The following DENND3 variants were observed in gnomAD, a reference collection of about 807,000 sequenced individuals.
The protein encoded by DENND3 is DENN domain containing 3, also known as DENN domain-containing protein 3.
In DENND3, 88 loss-of-function variants were observed where a neutral mutation model predicts 135.1. The observed-to-expected ratio is 0.65, with a 90% CI of 0.55 to 0.78. The LOEUF (loss-of-function observed/expected upper bound fraction) is 0.78, where lower values mean the gene tolerates loss of function less well. Among genes scored for constraint, DENND3 ranks in the 30% least tolerant of loss-of-function variants. The probability of loss-of-function intolerance (pLI) is 0.00; values close to 1 mark genes in which losing one functional copy is unlikely to be tolerated. For synonymous variants in DENND3, 693 were observed against 712.3 expected, an observed-to-expected ratio of 0.97 and a Z score of 0.43; for missense variants, 1,392 against 1,688.4, an observed-to-expected ratio of 0.82 and a Z score of 3.08.
intron 7 of DENND3, among the ~76,000 whole-genome samples, chr8:141,152,632 C>T (rs1818931319): frequency 1.3e-5 from 2 of 152,148 alleles, no homozygotes; most frequent in South Asian, 4.1e-4. Context: ...ACAATGAGGT[C>T]GTCGTGATAA....
intron 20 of DENND3, 153 bp downstream of exon 20, chr8:141,190,570 T>C: frequency 1.7e-6 from 2 of 1,190,164 alleles, no homozygotes; most frequent in Non-Finnish European, 2.2e-6. Flanking sequence ...GCAGCAACCT[T>C]TACTCCACCT....
chr8:141,142,521 C>T, intron 4 of DENND3: 1 of 381,624 alleles, frequency 2.6e-6, no homozygotes, highest in Non-Finnish European at 5.2e-6. Flanking sequence ...TAGTGGTTTA[C>T]TTCTTAAAAT....
intron 10 of DENND3, 50 bp downstream of exon 10, chr8:141,163,479 C>T (rs1464586469): frequency 1.6e-5 from 20 of 1,215,200 alleles, no homozygotes; most frequent in Non-Finnish European, 2.3e-5. Context: ...ATCCATTATC[C>T]TTTTCTGTAT....
intron 1 of DENND3, among the ~76,000 whole-genome samples, chr8:141,135,422 G>A (rs1816681662): frequency 1.3e-5 from 2 of 152,200 alleles, no homozygotes; most frequent in Admixed American, 1.3e-4. Context: ...AAAGTGCTGG[G>A]ATCACAGGCG....
rs952563121 is a variant in DENND3, at chr8:141,139,497, G to A, written c.501+1360G>A. On this transcript the variant is annotated intron_variant, in intron 3 of 22. Transcript: ENST00000519811. The surrounding 1 kb of genome is among the most constrained non-coding windows in gnomAD (Gnocchi z 4.2). ...GCAGGGGACCAGCGTCCGCCTCTGT[G>A]ACCTGGCTGCCAGCAGCCCCAGGCC... Among the ~76,000 whole-genome samples the A allele has an allele frequency of 1.3e-5, 2 of 152,194 alleles. No individual in the cohort carries two copies. Among genetic ancestry groups the A allele is most frequent in the African/African-American group, 4.8e-5 (2 of 41,450 alleles).
rs2241735 is a variant in DENND3 at position 141,166,181 on chromosome 8, G to T, written c.1554-9G>T. ...CTATAAACTAACGCGTTGCTTTTTC[G>T]TACCCCAGAATAAATGGAATGCTTC... On this transcript the variant is annotated splice_polypyrimidine_tract_variant and intron_variant, in intron 11 of 22. Transcript: ENST00000519811. The surrounding 1 kb of genome is among the most constrained non-coding windows in gnomAD (Gnocchi z 4.3). 2.4e-4 allele frequency: 390 copies of T among 1,612,594 alleles called. No homozygotes were observed. The African/African-American group carries it at 4.4e-3, about 18-fold the overall frequency.
chr8:141,189,574 A>C (rs1480945177), intron 19 of DENND3, among the ~76,000 whole-genome samples: 2 of 152,184 alleles, frequency 1.3e-5, no homozygotes, highest in Non-Finnish European at 2.9e-5. Flanking sequence ...CGGGGCATCC[A>C]GGGAGACGGG....
At chr8:141,164,398 G>T (rs1820511638) in intron 10 of DENND3, among the ~76,000 whole-genome samples, 1 of 152,200 alleles carries the variant, frequency 6.6e-6, no homozygotes, top group Non-Finnish European at 1.5e-5. Flanking sequence ...TCCTTTGGGG[G>T]TTTGTTTTTA....
intron 8 of DENND3, among the ~76,000 whole-genome samples, chr8:141,159,286 G>T (rs1050703357): frequency 6.6e-6 from 1 of 152,172 alleles, no homozygotes; most frequent in African/African-American, 2.4e-5. Flanking sequence ...CAGCGGCAGG[G>T]GCCTGTGGCC....
chr8:141,128,734 G>A lies in DENND3; in HGVS notation c.27G>A (p.Leu9=), dbSNP rs1411778925. The A allele has an allele frequency of 6.9e-7, 1 of 1,440,988 alleles. No homozygotes were observed. The highest frequency in any genetic ancestry group is 1.5e-5 in the African/African-American group (1 of 67,644). The allele number at this position is 1,440,988 out of a possible 1,614,324, so 89.3% of individuals were successfully genotyped here. Residue 9 remains leucine (L), a synonymous_variant, in exon 1 of 23, where the codon TTG becomes TTA. Coordinates refer to ENST00000519811, the MANE Select transcript of DENND3 (RefSeq NM_001352890.3). This position sits in a 1 kb window ranked among gnomAD's most constrained non-coding sequence, Gnocchi z 4.5. ...TGGCGGAGGCCGCGTCGCCGCACTT[G>A]TCGCTGCCCTCGGGGCTGCTGGAGC... MAEAASPH[L]SLPSGLLELC...
At chr8:141,150,226 G>A (rs748514514) in intron 5 of DENND3, 8 of 964,064 alleles carry the variant, frequency 8.3e-6, no homozygotes, top group Non-Finnish European at 1.1e-5. Context: ...TTCCTGGCAG[G>A]CTCAGAAGCC....
intron 7 of DENND3, among the ~76,000 whole-genome samples, chr8:141,153,092 CTTT>C (rs35650187): frequency 2.5e-5 from 3 of 119,362 alleles, no homozygotes. Flanking sequence ...CAATATCTTT[CTTT>C]TTTTTTTTTT....
intron 13 of DENND3, among the ~76,000 whole-genome samples, chr8:141,169,001 G>C (rs1373100679): frequency 6.6e-6 from 1 of 152,040 alleles, no homozygotes; most frequent in Middle Eastern, 3.2e-3. Flanking sequence ...TGGGATTATA[G>C]GCATGCGCCT....
chr8:141,141,257 G>C lies in DENND3; in HGVS notation c.556G>C (p.Val186Leu). 1 of 1,614,180 alleles carries C rather than the reference G, an allele frequency of 6.2e-7. No individual in the cohort carries two copies. Among genetic ancestry groups the C allele is most frequent in the Non-Finnish European group, 8.5e-7 (1 of 1,180,032 alleles). ...KTHRECPGCF[V>L]PFAVCVVSRF... The stretch of plus-strand genomic sequence containing the variant: ...GCACCGGGAGTGTCCTGGCTGCTTC[G>C]TGCCCTTCGCGGTGTGCGTGGTCTC... Residue 186 changes from valine to leucine, a missense_variant, in exon 4 of 23, where the codon GTG becomes CTG. Coordinates refer to ENST00000519811, the MANE Select transcript of DENND3 (RefSeq NM_001352890.3). This position sits in a 1 kb window ranked among gnomAD's most constrained non-coding sequence, Gnocchi z 5.3.
chr8:141,158,640 A>C (rs1433764389), intron 8 of DENND3, among the ~76,000 whole-genome samples: 1 of 152,186 alleles, frequency 6.6e-6, no homozygotes, highest in Non-Finnish European at 1.5e-5. Context: ...TGCCTGCTCA[A>C]GGGGCTCTGG....
Position 141,168,463 on chromosome 8 carries a change from A to C in DENND3, c.2213A>C (p.Gln738Pro). The change falls in exon 13 of 23, where the codon CAG becomes CCG. Residue 738 changes from glutamine (Q) to proline (P), a missense_variant. Coordinates refer to ENST00000519811, the MANE Select transcript of DENND3 (RefSeq NM_001352890.3). This position sits in a 1 kb window ranked among gnomAD's most constrained non-coding sequence, Gnocchi z 6.2. ...CTGGGCGACTTCATGAAGCGGGTCCAGGAGTCAGGGATCGTGAAGGACGCC... is the reference window on the plus strand; with the variant it reads ...CTGGGCGACTTCATGAAGCGGGTCCCGGAGTCAGGGATCGTGAAGGACGCC... ...MQLGDFMKRVQESGIVKDASI... is the reference protein window; with the variant it reads ...MQLGDFMKRVPESGIVKDASI... 3 of 1,613,726 alleles carry C rather than the reference A, an allele frequency of 1.9e-6. No homozygotes were observed. The highest frequency in any genetic ancestry group is 2.5e-6 in the Non-Finnish European group (3 of 1,180,008).
chr8:141,185,276 G>A lies in DENND3; in HGVS notation c.3082G>A (p.Val1028Met), dbSNP rs776977511. 6.2e-7 allele frequency: 1 copy of A among 1,614,172 alleles called. No homozygotes were observed. The highest frequency in any genetic ancestry group is 1.7e-5 in the Admixed American group (1 of 60,016). The change falls in exon 18 of 23, where the codon GTG becomes ATG. Residue 1028 changes from valine to methionine, a missense_variant and splice_region_variant. Transcript: ENST00000519811. Reference protein sequence around the residue: ...QHSFKVGTAKVNCMVMADQNQ... With the variant: ...QHSFKVGTAKMNCMVMADQNQ... Reference sequence around the variant, plus strand: ...CTCCTTTAAAGTGGGCACTGCAAAAGTGGTGAGTACACGAAGCGTCAGGAA... The same window carrying A: ...CTCCTTTAAAGTGGGCACTGCAAAAATGGTGAGTACACGAAGCGTCAGGAA...
intron 7 of DENND3, among the ~76,000 whole-genome samples, chr8:141,152,482 G>C (rs1465999266): frequency 6.6e-6 from 1 of 152,168 alleles, no homozygotes; most frequent in Non-Finnish European, 1.5e-5. Flanking sequence ...GTTGCTCCAT[G>C]CGCTATCCTT....
Position 141,168,303 on chromosome 8 carries a change from G to C in DENND3, c.2053G>C (p.Ala685Pro). The C allele has an allele frequency of 6.2e-7, 1 of 1,614,050 alleles. No individual in the cohort carries two copies. The highest frequency in any genetic ancestry group is 8.5e-7 in the Non-Finnish European group (1 of 1,180,020). ...GAAGAGGACGGTGGAATCCATGTCT[G>C]CCCCTGAGTGGGAGGGGGCTGAGCA... ...LVKRTVESMS[A>P]PEWEGAEQAP... The change falls in exon 13 of 23, where the codon GCC becomes CCC. Residue 685 changes from alanine (A) to proline (P), a missense_variant. Coordinates refer to ENST00000519811, the MANE Select transcript of DENND3 (RefSeq NM_001352890.3). The surrounding 1 kb of genome is among the most constrained non-coding windows in gnomAD (Gnocchi z 6.2).
Sources: gnomAD v4.1 joint callset for allele counts (sites outside exome capture counted in the v4.1 genomes callset) on GRCh38, gnomAD v4.1.1 for gene constraint, Gnocchi (gnomAD v3.1) non-coding constraint, MANE v1.5 for transcripts, NCBI Gene and HGNC (gene_info 2026-07-23, HGNC 2026-07-21) for gene names.